RPS6KC1: variants seen among roughly 807,000 people sequenced by gnomAD.
RPS6KC1 encodes the protein inactive ribosomal protein S6 kinase delta-1.
In RPS6KC1, 54 loss-of-function variants were observed where a neutral mutation model predicts 103.8. The observed-to-expected ratio is 0.52, with a 90% confidence interval of 0.42 to 0.65. RPS6KC1 has a LOEUF of 0.65. RPS6KC1 is among the 30% of genes least tolerant of loss of function. The probability of loss-of-function intolerance (pLI) is 0.00; values close to 1 mark genes in which losing one functional copy is unlikely to be tolerated. For missense variants in RPS6KC1, 1,151 were observed against 1,253.8 expected (o/e 0.92, Z 1.24); for synonymous variants, 439 against 438.7 (o/e 1.00, Z -0.01).
chr1:213,147,615 GA>G lies in RPS6KC1; in HGVS notation c.835+17728del, dbSNP rs565795771. On this transcript the variant is annotated intron_variant, in intron 6 of 14. Transcript: ENST00000366960. ...TTACAATGGCTCTGTAGCATAATTTGAAGTCAGGTTATGTGATTCCTCCAGT... is the reference window on the plus strand; with the variant it reads ...TTACAATGGCTCTGTAGCATAATTTGAGTCAGGTTATGTGATTCCTCCAGT... Among the ~76,000 whole-genome samples the G allele has an allele frequency of 3.2e-3, 494 of 152,288 alleles. 1 individual carries two copies. Among genetic ancestry groups the G allele is most frequent in the Non-Finnish European group, 5.5e-3 (377 of 68,018 alleles).
the RPS6KC1 span, among the ~76,000 whole-genome samples, chr1:213,612,251 C>T: frequency 2.6e-5 from 4 of 152,230 alleles, no homozygotes; most frequent in Non-Finnish European, 5.9e-5. Flanking sequence ...GCTTGAGAAC[C>T]ACTTGTGCTA....
At chr1:213,205,884 G>A (rs994311504) in intron 8 of RPS6KC1, among the ~76,000 whole-genome samples, 4 of 151,900 alleles carry the variant, frequency 2.6e-5, no homozygotes, top group Admixed American at 6.5e-5. Context: ...TGGAATATTT[G>A]CATTATATTT....
chr1:213,642,488 A>G, the RPS6KC1 span, among the ~76,000 whole-genome samples: 1 of 152,046 alleles, frequency 6.6e-6, no homozygotes, highest in South Asian at 2.1e-4. Context: ...TATCATTATT[A>G]TTTCCAGGAA....
chr1:213,420,115 A>G, the RPS6KC1 span, among the ~76,000 whole-genome samples: 2 of 152,170 alleles, frequency 1.3e-5, no homozygotes, highest in Non-Finnish European at 2.9e-5. Context: ...GTTCCTTTGC[A>G]AAGCCCTCTG....
At chr1:213,803,059 G>GTAAT in the RPS6KC1 span, among the ~76,000 whole-genome samples, 5 of 152,082 alleles carry the variant, frequency 3.3e-5, no homozygotes, top group Non-Finnish European at 5.9e-5. Context: ...TATGAGGCAG[G>GTAAT]TAATTTAGAT....
At chr1:213,235,633 G>A (rs1159890853) in intron 10 of RPS6KC1, among the ~76,000 whole-genome samples, 1 of 152,082 alleles carries the variant, frequency 6.6e-6, no homozygotes, top group East Asian at 1.9e-4. Context: ...GGGTGTGCTT[G>A]GTGTTCAAGA....
the RPS6KC1 span, among the ~76,000 whole-genome samples, chr1:213,834,892 G>A: frequency 6.6e-6 from 1 of 152,188 alleles, no homozygotes; most frequent in Admixed American, 6.5e-5. Context: ...ACGTAGGGCT[G>A]GGGAAATCGC....
rs1014917715 is a variant in RPS6KC1 at position 213,169,187 on chromosome 1, G to A, written c.951+1214G>A. Among the ~76,000 whole-genome samples the A allele has an allele frequency of 5.3e-5, 8 of 151,974 alleles. No individual in the cohort carries two copies. The South Asian group carries it at 6.2e-4, about 12-fold the overall frequency. ...ATTCTTCATTTCCCCTTCATATACC[G>A]GCTTATATACTTTTTCCTACACATT... On this transcript the variant is annotated intron_variant, in intron 7 of 14. Transcript: ENST00000366960.
the RPS6KC1 span, among the ~76,000 whole-genome samples, chr1:213,425,931 G>C: frequency 6.6e-6 from 1 of 152,300 alleles, no homozygotes; most frequent in East Asian, 1.9e-4. Context: ...GGAGACGCTT[G>C]GGTTGAGGGA....
At chr1:213,211,858 A>T (rs971149315) in intron 8 of RPS6KC1, among the ~76,000 whole-genome samples, 1 of 152,218 alleles carries the variant, frequency 6.6e-6, no homozygotes, top group Non-Finnish European at 1.5e-5. Flanking sequence ...AAAGATGTGT[A>T]ATCCAAGGAT....
Position 213,176,466 on chromosome 1 carries a change from T to C in RPS6KC1, c.1018T>C (p.Phe340Leu). 1 of 1,607,702 alleles carries C rather than the reference T, an allele frequency of 6.2e-7. No homozygotes were observed. Among genetic ancestry groups the C allele is most frequent in the Non-Finnish European group, 8.5e-7 (1 of 1,175,234 alleles). Residue 340 changes from phenylalanine to leucine, a missense_variant, in exon 8 of 15, where the codon TTC (phenylalanine) becomes CTC (leucine). Physicochemically the swap from Phe to Leu is conservative, Grantham distance 22. Around this residue, in one of 3 missense-constraint regions of RPS6KC1, gnomAD observed 959 missense variants for 1,006.3 expected, o/e 0.95. Coordinates refer to ENST00000366960, the MANE Select transcript of RPS6KC1 (RefSeq NM_012424.6). ...LRSPAEELKA[F>L]RVLGVIDKVL... ...GAGCCCTGCCGAGGAGCTGAAGGCCTTCAGAGTCCTTGGGGTGATTGACAA... is the reference window on the plus strand; with the variant it reads ...GAGCCCTGCCGAGGAGCTGAAGGCCCTCAGAGTCCTTGGGGTGATTGACAA...
At chr1:213,148,386 A>G (rs537128393) in intron 6 of RPS6KC1, among the ~76,000 whole-genome samples, 4 of 152,284 alleles carry the variant, frequency 2.6e-5, no homozygotes, top group South Asian at 2.1e-4. Context: ...TTTATCATGA[A>G]GGGACATTGA....
the RPS6KC1 span, among the ~76,000 whole-genome samples, chr1:213,399,053 T>C: frequency 2.0e-3 from 306 of 152,306 alleles, no homozygotes; most frequent in African/African-American, 6.6e-3. Flanking sequence ...AACATATAGA[T>C]TTAAGTTAAC....
At chr1:213,754,100 T>C in the RPS6KC1 span, among the ~76,000 whole-genome samples, 1 of 152,070 alleles carries the variant, frequency 6.6e-6, no homozygotes, top group Non-Finnish European at 1.5e-5. Context: ...GTGGCTGTAT[T>C]TGTCAGCTCA....
the RPS6KC1 span, among the ~76,000 whole-genome samples, chr1:213,797,043 G>C: frequency 0.022 from 3,419 of 152,272 alleles, 145 homozygotes; most frequent in African/African-American, 0.079. Flanking sequence ...ATCAGTTGAT[G>C]ACTACTAAGT....
chr1:213,328,412 G>A, the RPS6KC1 span, among the ~76,000 whole-genome samples: 78 of 151,494 alleles, frequency 5.1e-4, 1 homozygote, highest in African/African-American at 1.7e-3. Context: ...ATGGGTAAGC[G>A]TGGGGCTGAC....
At chr1:213,341,273 A>C in the RPS6KC1 span, among the ~76,000 whole-genome samples, 1 of 152,216 alleles carries the variant, frequency 6.6e-6, no homozygotes, top group African/African-American at 2.4e-5. Flanking sequence ...TCTGGAGCTC[A>C]TTCACACTCA....
chr1:213,296,512 G>A, the RPS6KC1 span, among the ~76,000 whole-genome samples: 193 of 152,300 alleles, frequency 1.3e-3, no homozygotes, highest in Middle Eastern at 3.4e-3. Flanking sequence ...TCAGCAGTGG[G>A]TCCAGGCAGT....
chr1:213,504,208 A>G, the RPS6KC1 span, among the ~76,000 whole-genome samples: 1 of 152,218 alleles, frequency 6.6e-6, no homozygotes, highest in African/African-American at 2.4e-5. Flanking sequence ...TTCACTGCAC[A>G]TAACAGAAAT....
Sources: allele counts gnomAD v4.1 joint callset (sites outside exome capture counted in the v4.1 genomes callset), GRCh38; gene constraint gnomAD v4.1.1; regional missense constraint gnomAD v4.1.1; transcripts MANE v1.5; gene names NCBI Gene and HGNC (gene_info 2026-07-23, HGNC 2026-07-21).